PCED1B: variants seen among roughly 807,000 people sequenced by gnomAD.
The protein encoded by PCED1B is PC-esterase domain-containing protein 1B.
For synonymous variants in PCED1B, 251 were observed against 246.1 expected, an observed-to-expected ratio of 1.02 and a Z score of -0.19; for missense variants, 573 against 573.9, an observed-to-expected ratio of 1.00 and a Z score of 0.02.
At position 47,236,285 on chromosome 12, in the gene PCED1B, C is replaced by T; in HGVS notation, c.1222C>T (p.Pro408Ser). 2 of 1,614,152 alleles carry T rather than the reference C, an allele frequency of 1.2e-6. No individual in the cohort carries two copies. The highest frequency in any genetic ancestry group is 1.7e-6 in the Non-Finnish European group (2 of 1,180,024). Reference protein sequence around the residue: ...RGFGRYRPRGPYTPWGQRPRP... With the variant: ...RGFGRYRPRGSYTPWGQRPRP... Reference sequence around the variant, plus strand: ...TTTTGGCAGGTATCGTCCCCGTGGCCCCTATACGCCCTGGGGACAGCGGCC... The same window carrying T: ...TTTTGGCAGGTATCGTCCCCGTGGCTCCTATACGCCCTGGGGACAGCGGCC... The change falls in exon 4 of 4, where the codon CCC (proline) becomes TCC (serine). Residue 408 changes from proline (P) to serine (S), a missense_variant. Transcript: ENST00000546455.
At position 47,141,003 on chromosome 12, in the gene PCED1B, A is replaced by G. The variant is rs563936496; in HGVS notation, c.-526+36808A>G. Among the ~76,000 whole-genome samples, 6 of 152,274 alleles carry G rather than the reference A, an allele frequency of 3.9e-5. No individual in the cohort carries two copies. The South Asian group carries it at 8.3e-4, about 21-fold the overall frequency. Reference sequence around the variant, plus strand: ...ACTACATGCCTCTAAGCTGTTTCATACTTAAGAGACTGAATTCACTGGAGG... The same window carrying G: ...ACTACATGCCTCTAAGCTGTTTCATGCTTAAGAGACTGAATTCACTGGAGG... On this transcript the variant is annotated intron_variant, in intron 2 of 3. Coordinates refer to ENST00000546455, the MANE Select transcript of PCED1B (RefSeq NM_138371.3).
chr12:47,088,418 T>A (rs1938092092), intron 1 of PCED1B, among the ~76,000 whole-genome samples: 1 of 152,136 alleles, frequency 6.6e-6, no homozygotes, highest in South Asian at 2.1e-4. Flanking sequence ...CAGACTGGAA[T>A]GAGTCCACTG....
At chr12:47,092,702 A>G (rs959119699) in intron 1 of PCED1B, among the ~76,000 whole-genome samples, 5 of 152,030 alleles carry the variant, frequency 3.3e-5, no homozygotes, top group African/African-American at 9.7e-5. Flanking sequence ...TTCTTAATTG[A>G]TTACGTGTTT....
chr12:47,090,497 C>G (rs566082367), intron 1 of PCED1B, among the ~76,000 whole-genome samples: 1 of 152,262 alleles, frequency 6.6e-6, no homozygotes, highest in Non-Finnish European at 1.5e-5. Context: ...GAATCATGTA[C>G]CATGCATAGA....
At chr12:47,202,663 T>C (rs1942802477) in intron 2 of PCED1B, among the ~76,000 whole-genome samples, 1 of 151,286 alleles carries the variant, frequency 6.6e-6, no homozygotes, top group Non-Finnish European at 1.5e-5. Context: ...TGTTTGGTTT[T>C]ACCTATGCAG....
At chr12:47,216,906 A>G (rs1017418265) in intron 3 of PCED1B, among the ~76,000 whole-genome samples, 2 of 152,182 alleles carry the variant, frequency 1.3e-5, no homozygotes, top group South Asian at 4.1e-4. Flanking sequence ...ATTAAAATGG[A>G]CAGTGAAAGA....
intron 2 of PCED1B, among the ~76,000 whole-genome samples, chr12:47,214,383 G>A (rs1164944573): frequency 6.6e-6 from 1 of 152,214 alleles, no homozygotes; most frequent in African/African-American, 2.4e-5. Context: ...ATTCAGGACT[G>A]TTGTGAAACC....
At chr12:47,098,860 C>G (rs7953342) in intron 1 of PCED1B, among the ~76,000 whole-genome samples, 130,129 of 152,162 alleles carry the variant, frequency 0.86, 56,032 homozygotes, top group East Asian at 0.96. Context: ...TGGGAGACTA[C>G]AGACCAATCA....
At chr12:47,211,842 G>A (rs1316157990) in intron 2 of PCED1B, among the ~76,000 whole-genome samples, 1 of 148,966 alleles carries the variant, frequency 6.7e-6, no homozygotes. Flanking sequence ...TTGGGAGGCC[G>A]AGGCGGGCGG....
intron 2 of PCED1B, among the ~76,000 whole-genome samples, chr12:47,174,752 T>G (rs1485499199): frequency 2.0e-5 from 3 of 152,256 alleles, no homozygotes; most frequent in African/African-American, 7.2e-5. Flanking sequence ...CTGCCTTTTC[T>G]ACATCAGAGC....
chr12:47,149,701 T>C (rs936458463), intron 2 of PCED1B, among the ~76,000 whole-genome samples: 2 of 152,208 alleles, frequency 1.3e-5, no homozygotes, highest in Non-Finnish European at 2.9e-5. Flanking sequence ...ATAATACTTA[T>C]TCATTGTGGA....
At chr12:47,230,376 G>A (rs552855959) in intron 3 of PCED1B, among the ~76,000 whole-genome samples, 276 of 152,172 alleles carry the variant, frequency 1.8e-3, no homozygotes, top group South Asian at 0.013. Flanking sequence ...AAGCCACCAC[G>A]CCTGGCCAAA....
chr12:47,122,930 C>A (rs1245382772), intron 2 of PCED1B, among the ~76,000 whole-genome samples: 3 of 152,146 alleles, frequency 2.0e-5, no homozygotes, highest in Non-Finnish European at 2.9e-5. Flanking sequence ...AAAACAAAAA[C>A]CATCAGCTCA....
Position 47,119,360 on chromosome 12 carries a change from A to C in PCED1B, c.-526+15165A>C, listed in dbSNP as rs966621486. Among the ~76,000 whole-genome samples, 36 of 152,280 alleles carry C rather than the reference A, an allele frequency of 2.4e-4. No individual in the cohort carries two copies. The East Asian group carries it at 4.4e-3, about 19-fold the overall frequency. ...TAATTTGTTAGGTATGACAACAAGCAACAAAAGAAAAAATAGATAAATTGG... is the reference window on the plus strand; with the variant it reads ...TAATTTGTTAGGTATGACAACAAGCCACAAAAGAAAAAATAGATAAATTGG... On this transcript the variant is annotated intron_variant, in intron 2 of 3. Transcript: ENST00000546455.
At chr12:47,212,164 G>A (rs886557847) in intron 2 of PCED1B, among the ~76,000 whole-genome samples, 3 of 151,958 alleles carry the variant, frequency 2.0e-5, no homozygotes, top group Non-Finnish European at 4.4e-5. Context: ...CCAGCTACTG[G>A]GGGTAGGTGG....
At chr12:47,089,508 A>T (rs1203556415) in intron 1 of PCED1B, among the ~76,000 whole-genome samples, 1 of 139,500 alleles carries the variant, frequency 7.2e-6, no homozygotes. Context: ...ATACCAAAAA[A>T]CATACCTACC....
At chr12:47,191,493 C>T (rs1942437219) in intron 2 of PCED1B, among the ~76,000 whole-genome samples, 2 of 152,206 alleles carry the variant, frequency 1.3e-5, no homozygotes, top group Non-Finnish European at 2.9e-5. Flanking sequence ...CAAACGTTCA[C>T]ATGTTCACAA....
intron 2 of PCED1B, among the ~76,000 whole-genome samples, chr12:47,107,291 C>T (rs1938997732): frequency 6.6e-6 from 1 of 152,134 alleles, no homozygotes; most frequent in South Asian, 2.1e-4. Context: ...TTGGTGGGGT[C>T]AAAGTCTCTC....
At chr12:47,090,254 C>T (rs886601383) in intron 1 of PCED1B, among the ~76,000 whole-genome samples, 40 of 152,078 alleles carry the variant, frequency 2.6e-4, no homozygotes, top group Middle Eastern at 3.4e-3. Context: ...AAATGGACAA[C>T]GAACAGAGAA....
Sources: gnomAD v4.1 joint callset for allele counts (sites outside exome capture counted in the v4.1 genomes callset) on GRCh38, gnomAD v4.1.1 for gene constraint, MANE v1.5 for transcripts, NCBI Gene and HGNC (gene_info 2026-07-23, HGNC 2026-07-21) for gene names.